The following ZNF200 variants were observed in gnomAD, a reference collection of about 807,000 sequenced individuals.
ZNF200 encodes the protein zinc finger protein 200.
ZNF200 carries 35 observed loss-of-function variants against 33.6 expected under a neutral mutation model. The ratio of observed to expected loss-of-function variants is 1.04; its 90% CI spans 0.80 to 1.38. The LOEUF (loss-of-function observed/expected upper bound fraction) is 1.38. Among genes scored for constraint, ZNF200 ranks in the 40% most tolerant of loss-of-function variants. The probability of loss-of-function intolerance (pLI) is 0.00; values close to 1 mark genes in which losing one functional copy is unlikely to be tolerated. For missense variants in ZNF200, 592 were observed against 470.6 expected (o/e 1.26, Z -2.39); for synonymous variants, 209 against 167.7 (o/e 1.25, Z -1.90).
intron 2 of ZNF200, 137 bp downstream of exon 2, chr16:3,233,369 T>TC (rs1958697028): frequency 8.0e-7 from 1 of 1,246,880 alleles, no homozygotes; most frequent in Non-Finnish European, 1.1e-6. Context: ...GAGAAGAACT[T>TC]CCTCTTTCCA....
At chr16:3,234,040 G>T in intron 1 of ZNF200, 1 of 288,874 alleles carries the variant, frequency 3.5e-6, no homozygotes, top group South Asian at 4.6e-5. Flanking sequence ...AACAGAGACT[G>T]TGCAAACCTC....
At chr16:3,228,581 G>A (rs1958541529) in intron 4 of ZNF200, among the ~76,000 whole-genome samples, 1 of 151,882 alleles carries the variant, frequency 6.6e-6, no homozygotes, top group Non-Finnish European at 1.5e-5. Flanking sequence ...TGCAACCTCT[G>A]CCTCCCGGGT....
intron 4 of ZNF200, among the ~76,000 whole-genome samples, chr16:3,231,616 A>G (rs1596340820): frequency 6.6e-6 from 1 of 152,238 alleles, no homozygotes; most frequent in East Asian, 1.9e-4. Context: ...CAGTTCATAC[A>G]CAGCACTGGG....
chr16:3,224,105 A>T lies in ZNF200; in HGVS notation c.975T>A (p.Arg325=). 6.2e-7 allele frequency: 1 copy of T among 1,614,128 alleles called. No homozygotes were observed. ...TCTCCCTTATATGGATTCCTTCATGACGACTCCGATGAGAATTCTGACGGA... is the reference window on the plus strand; with the variant it reads ...TCTCCCTTATATGGATTCCTTCATGTCGACTCCGATGAGAATTCTGACGGA... The part of the protein sequence containing the change: ...KNFRQNSHRS[R]HEGIHIREKI... Residue 325 remains arginine, a synonymous_variant, in exon 5 of 5, where the codon CGT becomes CGA. Transcript: ENST00000414144.
intron 1 of ZNF200, 21 bp from the exon 2 acceptor site, chr16:3,233,857 G>T: frequency 2.7e-6 from 4 of 1,491,802 alleles, no homozygotes; most frequent in Non-Finnish European, 3.6e-6. Context: ...AGAAACCAGG[G>T]ATTACCCAAA....
chr16:3,224,746 C>A lies in ZNF200; in HGVS notation c.467-133G>T, dbSNP rs948353861. 3.6e-6 allele frequency: 4 copies of A among 1,123,584 alleles called. No individual in the cohort carries two copies. The African/African-American group carries it at 4.7e-5, about 13-fold the overall frequency. The allele number at this position is 1,123,584 out of a possible 1,614,324, so 69.6% of individuals were successfully genotyped here. ...GAGTGGCGGATACTGCCGTCGCACT[C>A]CTTTTCCATACTTATTGAGGGTGGG... On this transcript the variant is annotated intron_variant, in intron 4 of 4. Transcript: ENST00000414144.
At chr16:3,230,472 A>G (rs1958606009) in intron 4 of ZNF200, among the ~76,000 whole-genome samples, 3 of 152,140 alleles carry the variant, frequency 2.0e-5, no homozygotes, top group South Asian at 4.1e-4. Flanking sequence ...ATTTTCTTCA[A>G]TCTTGAAAAG....
chr16:3,223,741 A>G lies in ZNF200; in HGVS notation c.*151T>C. ...TCCCTGTGAATTTTCTAGCAATTTG[A>G]GGTTTTAGCTAAGATGGGCATTTAT... On this transcript the variant is annotated 3_prime_UTR_variant, in exon 5 of 5. Coordinates refer to ENST00000414144, the MANE Select transcript of ZNF200 (RefSeq NM_198088.3). The G allele has an allele frequency of 8.5e-7, 1 of 1,175,842 alleles. No individual in the cohort carries two copies. The highest frequency in any genetic ancestry group is 2.6e-5 in the Admixed American group (1 of 38,846). The allele number at this position is 1,175,842 out of a possible 1,614,324, so 72.8% of individuals were successfully genotyped here. A position where few individuals can be genotyped will look rare whatever the true frequency, so the allele number is the denominator to read the frequency against.
rs898353556 is a variant in ZNF200, at chr16:3,230,257, T to C, written c.466+2164A>G. Among the ~76,000 whole-genome samples the C allele has an allele frequency of 6.6e-5, 10 of 152,366 alleles. 1 individual carries two copies. The highest frequency in any genetic ancestry group is 5.9e-4 in the Admixed American group (9 of 15,308). On this transcript the variant is annotated intron_variant, in intron 4 of 4. Transcript: ENST00000414144. ...GAGCCAAATAAACCTCTTTTCTTTA[T>C]AAATTACCCAGCCTCAGGTATTCTT...
intron 4 of ZNF200, among the ~76,000 whole-genome samples, chr16:3,230,483 G>A (rs1021391900): frequency 6.6e-6 from 1 of 152,076 alleles, no homozygotes; most frequent in Non-Finnish European, 1.5e-5. Context: ...TCTTGAAAAG[G>A]TGTATTCTCC....
intron 4 of ZNF200, among the ~76,000 whole-genome samples, chr16:3,231,319 C>T (rs921848906): frequency 6.6e-6 from 1 of 152,166 alleles, no homozygotes; most frequent in Admixed American, 6.5e-5. Flanking sequence ...CATAGAGCAA[C>T]CTGCGGGAAA....
Position 3,224,244 on chromosome 16 carries a change from G to C in ZNF200, c.836C>G (p.Pro279Arg), listed in dbSNP as rs1958408534. 1 of 1,614,164 alleles carries C rather than the reference G, an allele frequency of 6.2e-7. No homozygotes were observed. The highest frequency in any genetic ancestry group is 1.3e-5 in the African/African-American group (1 of 75,038). Residue 279 changes from proline (P) to arginine (R), a missense_variant, in exon 5 of 5, where the codon CCC (proline) becomes CGC (arginine). Pro to Arg is a moderately radical substitution (Grantham distance 103, BLOSUM62 -2). Transcript: ENST00000414144. ...TTTCCCACAGTGATTACAGTCATAG[G>C]GTTTTTCTCCAGTGTGGGTCCTCTG... The part of the protein sequence containing the change: ...SHQRTHTGEK[P>R]YDCNHCGKSF...
chr16:3,226,923 A>T (rs1958488772), intron 4 of ZNF200: 1 of 152,208 alleles, frequency 6.6e-6, no homozygotes, highest in African/African-American at 2.4e-5. Flanking sequence ...ATAAATATGA[A>T]ATACGCAAAA....
intron 1 of ZNF200, 119 bp from the exon 2 acceptor site, chr16:3,233,955 G>A (rs763248418): frequency 8.6e-6 from 6 of 698,766 alleles, no homozygotes; most frequent in Non-Finnish European, 1.3e-5. Flanking sequence ...CTGGGATAGG[G>A]AAATCATAAC....
rs1301083962 is a variant in ZNF200, at chr16:3,233,739, A to G, written c.17T>C (p.Val6Ala). The change falls in exon 2 of 5, where the codon GTG becomes GCG. Residue 6 changes from valine (V) to alanine (A), a missense_variant. Physicochemically the swap from Val to Ala is moderately conservative, Grantham distance 64. Coordinates refer to ENST00000414144, the MANE Select transcript of ZNF200 (RefSeq NM_198088.3). The part of the protein sequence containing the change: MMAAK[V>A]VPMPPKPKQS... ...CTTTGGCTTTGGGGGCATAGGAACC[A>G]CTTTTGCAGCCATCATGCCTTGCAA... is the stretch of plus-strand genomic sequence containing the variant. The G allele has an allele frequency of 6.2e-7, 1 of 1,611,776 alleles. No homozygotes were observed. Among genetic ancestry groups the G allele is most frequent in the Non-Finnish European group, 8.5e-7 (1 of 1,178,982 alleles).
intron 3 of ZNF200, 85 bp from the exon 4 acceptor site, chr16:3,232,632 C>A (rs1958665412): frequency 6.4e-7 from 1 of 1,570,884 alleles, no homozygotes; most frequent in Non-Finnish European, 8.6e-7. Flanking sequence ...ACACAAAGAT[C>A]AAGGGAAGGG....
At chr16:3,227,419 G>C (rs541498979) in intron 4 of ZNF200, 2 of 152,110 alleles carry the variant, frequency 1.3e-5, no homozygotes, top group Admixed American at 1.3e-4. Flanking sequence ...CTTTTTCTTG[G>C]TATGTAAAGT....
rs534382852 is a variant in ZNF200 at position 3,229,921 on chromosome 16, A to AAAAT, written c.466+2496_466+2499dup. Among the ~76,000 whole-genome samples the AAAAT allele has an allele frequency of 6.8e-3, 1,039 of 152,320 alleles. 5 individuals carry two copies. The highest frequency in any genetic ancestry group is 7.7e-3 in the Non-Finnish European group (522 of 68,044). On this transcript the variant is annotated intron_variant, in intron 4 of 4. Coordinates refer to ENST00000414144, the MANE Select transcript of ZNF200 (RefSeq NM_198088.3). ...AACAAGAGCGAAACTCTGTCTCAAA[A>AAAAT]AAATAAATAAATAAATAAAGACAGA...
At chr16:3,232,203 C>G (rs1339293776) in intron 4 of ZNF200, among the ~76,000 whole-genome samples, 3 of 152,158 alleles carry the variant, frequency 2.0e-5, no homozygotes, top group African/African-American at 4.8e-5. Context: ...CCCTACCTCT[C>G]CCCTCACTGC....
Sources: allele counts gnomAD v4.1 joint callset (sites outside exome capture counted in the v4.1 genomes callset), GRCh38; gene constraint gnomAD v4.1.1; transcripts MANE v1.5; gene names NCBI Gene and HGNC (gene_info 2026-07-23, HGNC 2026-07-21).